The following SLCO3A1 variants were observed in gnomAD, a reference collection of about 807,000 sequenced individuals.
The protein encoded by SLCO3A1 is solute carrier organic anion transporter family member 3A1.
In SLCO3A1, 27 loss-of-function variants were observed where a neutral mutation model predicts 63.1. That is an observed-to-expected ratio of 0.43 (90% CI 0.32 to 0.59). The LOEUF (loss-of-function observed/expected upper bound fraction) is 0.59. Ranked by LOEUF, SLCO3A1 falls within the 20% of genes least tolerant of loss-of-function variation. The pLI is 0.09. For synonymous variants in SLCO3A1, 473 were observed against 409.9 expected (o/e 1.15, Z -1.86); for missense variants, 773 against 945.8 (o/e 0.82, Z 2.40).
chr15:91,937,295 G>A (rs1017267815), intron 2 of SLCO3A1, among the ~76,000 whole-genome samples: 1 of 152,216 alleles, frequency 6.6e-6, no homozygotes, highest in African/African-American at 2.4e-5. Flanking sequence ...CACGGGCAAA[G>A]CACTCTCTAG....
chr15:92,050,550 A>G (rs2046944794), intron 2 of SLCO3A1, among the ~76,000 whole-genome samples: 1 of 152,018 alleles, frequency 6.6e-6, no homozygotes, highest in Non-Finnish European at 1.5e-5. Flanking sequence ...CCCACATCTT[A>G]CGTGTCAGTA....
At chr15:91,866,466 T>G (rs1030426901) in intron 1 of SLCO3A1, among the ~76,000 whole-genome samples, 1 of 152,042 alleles carries the variant, frequency 6.6e-6, no homozygotes, top group East Asian at 1.9e-4. Context: ...AGGTATGTAT[T>G]AAGTTAGCAC....
intron 2 of SLCO3A1, among the ~76,000 whole-genome samples, chr15:92,056,681 C>G (rs1377492359): frequency 6.6e-6 from 1 of 152,204 alleles, no homozygotes; most frequent in Non-Finnish European, 1.5e-5. Context: ...CAGTTGAGGT[C>G]TGTTCAGACC....
At chr15:92,011,535 C>T (rs2046368895) in intron 2 of SLCO3A1, among the ~76,000 whole-genome samples, 1 of 152,076 alleles carries the variant, frequency 6.6e-6, no homozygotes, top group Admixed American at 6.5e-5. Flanking sequence ...TCCATCTTAT[C>T]AGAGAGGCTT....
In SLCO3A1 at chr15:92,088,350, GAC is replaced by G. The variant is rs1567112906; in HGVS notation, c.647-6523_647-6522del. On this transcript the variant is annotated intron_variant, in intron 2 of 9. Transcript: ENST00000318445. ...GCAGTCAACACCAGGACTGAGAAAT[GAC>G]ACACACAAAAAAATGTTTTGTGGTC... Among the ~76,000 whole-genome samples, 12 of 152,266 alleles carry G rather than the reference GAC, an allele frequency of 7.9e-5. No homozygotes were observed. In the South Asian group the frequency reaches 2.5e-3, roughly 32 times the overall value.
At chr15:92,013,415 T>C (rs377710700) in intron 2 of SLCO3A1, among the ~76,000 whole-genome samples, 446 of 152,300 alleles carry the variant, frequency 2.9e-3, no homozygotes, top group African/African-American at 9.6e-3. Context: ...TTGGCTGCCA[T>C]GGTGATCTGA....
intron 1 of SLCO3A1, among the ~76,000 whole-genome samples, chr15:91,884,337 C>T (rs1405754800): frequency 6.6e-6 from 1 of 151,800 alleles, no homozygotes; most frequent in African/African-American, 2.4e-5. Flanking sequence ...GGGGAAACAC[C>T]GTCTCTACTT....
At chr15:92,036,133 T>C (rs987012174) in intron 2 of SLCO3A1, among the ~76,000 whole-genome samples, 3 of 152,234 alleles carry the variant, frequency 2.0e-5, no homozygotes, top group Non-Finnish European at 2.9e-5. Context: ...CCATCTGTTT[T>C]CTAGATTTCT....
intron 2 of SLCO3A1, among the ~76,000 whole-genome samples, chr15:91,958,419 G>A (rs2151419436): frequency 6.6e-6 from 1 of 152,314 alleles, no homozygotes; most frequent in South Asian, 2.1e-4. Flanking sequence ...GATGGGCACT[G>A]GATTTGGGCA....
intron 2 of SLCO3A1, among the ~76,000 whole-genome samples, chr15:91,966,379 G>A (rs959435778): frequency 2.0e-5 from 3 of 152,164 alleles, no homozygotes; most frequent in Non-Finnish European, 2.9e-5. Context: ...TTTAGCTGAC[G>A]ATGATTCTCA....
Position 91,942,312 on chromosome 15 carries a change from T to A in SLCO3A1, c.646+25854T>A, listed in dbSNP as rs978395720. ...GCATTTCAGAGCCTCCAGGACTTGATTAGATATTGTTACACAGTGGTGATA... is the reference window on the plus strand; with the variant it reads ...GCATTTCAGAGCCTCCAGGACTTGAATAGATATTGTTACACAGTGGTGATA... On this transcript the variant is annotated intron_variant, in intron 2 of 9. Transcript: ENST00000318445. This position sits in a 1 kb window ranked among gnomAD's most constrained non-coding sequence, Gnocchi z 4.1. Among the ~76,000 whole-genome samples the A allele has an allele frequency of 6.6e-6, 1 of 152,150 alleles. No individual in the cohort carries two copies. Among genetic ancestry groups the A allele is most frequent in the East Asian group, 1.9e-4 (1 of 5,194 alleles).
chr15:91,935,402 G>A (rs918245878), intron 2 of SLCO3A1, among the ~76,000 whole-genome samples: 3 of 152,180 alleles, frequency 2.0e-5, no homozygotes, highest in African/African-American at 7.2e-5. Context: ...GAGGATCAGA[G>A]GCATGGAGGG....
intron 1 of SLCO3A1, among the ~76,000 whole-genome samples, chr15:91,903,862 A>T (rs967852877): frequency 2.0e-5 from 3 of 152,340 alleles, no homozygotes. Flanking sequence ...GGAGGATGGC[A>T]GTGACAAGAA....
intron 7 of SLCO3A1, among the ~76,000 whole-genome samples, chr15:92,146,570 A>C (rs2048226433): frequency 6.6e-6 from 1 of 152,222 alleles, no homozygotes; most frequent in South Asian, 2.1e-4. Flanking sequence ...TACCTGATTT[A>C]CTTCTTTTAA....
chr15:91,955,207 TAA>T (rs1900130163), intron 2 of SLCO3A1, among the ~76,000 whole-genome samples: 1 of 152,176 alleles, frequency 6.6e-6, no homozygotes, highest in Non-Finnish European at 1.5e-5. Context: ...CCAGAGAAGT[TAA>T]ACACTGCACA....
rs1352405629 is a variant in SLCO3A1 at position 91,894,181 on chromosome 15, G to A, written c.181-21812G>A. On this transcript the variant is annotated intron_variant, in intron 1 of 9. Coordinates refer to ENST00000318445, the MANE Select transcript of SLCO3A1 (RefSeq NM_013272.4). This position sits in a 1 kb window ranked among gnomAD's most constrained non-coding sequence, Gnocchi z 4.8. ...TTTGCAGAACAGCAAGGCAACTGGT[G>A]TGGTTTGAATGGTAAACATATGGGA... Among the ~76,000 whole-genome samples the A allele has an allele frequency of 6.6e-6, 1 of 152,090 alleles. No homozygotes were observed. Among genetic ancestry groups the A allele is most frequent in the Non-Finnish European group, 1.5e-5 (1 of 68,016 alleles).
chr15:92,064,690 A>G (rs1159390862), intron 2 of SLCO3A1, among the ~76,000 whole-genome samples: 1 of 152,258 alleles, frequency 6.6e-6, no homozygotes, highest in Non-Finnish European at 1.5e-5. Flanking sequence ...AATATTATTC[A>G]GCCAAAAAAA....
At chr15:91,857,848 T>G (rs1896962799) in intron 1 of SLCO3A1, among the ~76,000 whole-genome samples, 1 of 152,174 alleles carries the variant, frequency 6.6e-6, no homozygotes, top group Admixed American at 6.5e-5. Context: ...TTGAATTTCC[T>G]CAGGTTGAAA....
chr15:91,974,857 G>C (rs2151431869), intron 2 of SLCO3A1, among the ~76,000 whole-genome samples: 1 of 152,278 alleles, frequency 6.6e-6, no homozygotes, highest in Non-Finnish European at 1.5e-5. Context: ...AGACAAGACA[G>C]TTCCTTCATT....
Sources: gnomAD v4.1 joint callset for allele counts (sites outside exome capture counted in the v4.1 genomes callset) on GRCh38, gnomAD v4.1.1 for gene constraint, Gnocchi (gnomAD v3.1) non-coding constraint, MANE v1.5 for transcripts, NCBI Gene and HGNC (gene_info 2026-07-23, HGNC 2026-07-21) for gene names.